The following CSMD1 variants were observed in gnomAD, a reference collection of about 807,000 sequenced individuals.
The protein encoded by CSMD1 is CUB and sushi domain-containing protein 1.
A neutral mutation model predicts 417.5 loss-of-function variants in CSMD1; 213 were observed. The observed-to-expected ratio is 0.51, with a 90% confidence interval of 0.46 to 0.57. CSMD1 has a LOEUF of 0.57. CSMD1 is among the 20% of genes least tolerant of loss of function. The probability of loss-of-function intolerance (pLI) is 0.00; values close to 1 mark genes in which losing one functional copy is unlikely to be tolerated. For synonymous variants in CSMD1, 2,862 were observed against 1,736.8 expected, an observed-to-expected ratio of 1.65 and a Z score of -16.11; for missense variants, 6,923 against 4,529.7, an observed-to-expected ratio of 1.53 and a Z score of -15.17.
intron 12 of CSMD1, among the ~76,000 whole-genome samples, chr8:3,431,037 C>T (rs1413679145): frequency 6.6e-6 from 1 of 152,072 alleles, no homozygotes; most frequent in East Asian, 1.9e-4. Flanking sequence ...GATCAGGAAC[C>T]CTGCTAGTAA....
At chr8:4,732,672 C>G (rs1335479372) in intron 1 of CSMD1, among the ~76,000 whole-genome samples, 1 of 152,050 alleles carries the variant, frequency 6.6e-6, no homozygotes, top group South Asian at 2.1e-4. Flanking sequence ...ACACATCTGC[C>G]CCAGCTGTAT....
intron 10 of CSMD1, among the ~76,000 whole-genome samples, chr8:3,508,857 G>T (rs1257018137): frequency 6.6e-6 from 1 of 152,146 alleles, no homozygotes; most frequent in South Asian, 2.1e-4. Context: ...ACTGGGAAAC[G>T]GTGACAAAAG....
intron 12 of CSMD1, among the ~76,000 whole-genome samples, chr8:3,423,579 C>G (rs1461542087): frequency 2.6e-5 from 4 of 152,120 alleles, no homozygotes; most frequent in African/African-American, 9.7e-5. Context: ...TTATCACCAG[C>G]TGACTCAATG....
chr8:3,803,841 T>C (rs1372204225), intron 5 of CSMD1, among the ~76,000 whole-genome samples: 1 of 152,156 alleles, frequency 6.6e-6, no homozygotes, highest in Non-Finnish European at 1.5e-5. Context: ...TTAATAAACA[T>C]GGCAAAGAGG....
chr8:2,977,148 T>A (rs1338222061), intron 55 of CSMD1, among the ~76,000 whole-genome samples: 3 of 152,190 alleles, frequency 2.0e-5, no homozygotes, highest in African/African-American at 4.8e-5. Context: ...GTGCAGGGTG[T>A]GTAGGTTTGT....
At chr8:3,787,947 C>G (rs564221557) in intron 5 of CSMD1, among the ~76,000 whole-genome samples, 2 of 152,112 alleles carry the variant, frequency 1.3e-5, no homozygotes, top group African/African-American at 2.4e-5. Context: ...GGGCAGAAAT[C>G]CTTGCATGGG....
chr8:4,712,065 G>C (rs889608268), intron 1 of CSMD1, among the ~76,000 whole-genome samples: 1 of 152,152 alleles, frequency 6.6e-6, no homozygotes, highest in African/African-American at 2.4e-5. Flanking sequence ...TAAAATGCAT[G>C]TTCACTGCCA....
intron 11 of CSMD1, among the ~76,000 whole-genome samples, chr8:3,484,242 T>C (rs757785980): frequency 6.6e-6 from 1 of 152,196 alleles, no homozygotes; most frequent in Non-Finnish European, 1.5e-5. Flanking sequence ...TAGACACACA[T>C]CAGTGTAACA....
At chr8:3,320,065 C>T (rs1049137916) in intron 23 of CSMD1, among the ~76,000 whole-genome samples, 2 of 152,154 alleles carry the variant, frequency 1.3e-5, no homozygotes, top group Non-Finnish European at 2.9e-5. Flanking sequence ...TGAACTCCAG[C>T]ATAGAGGGGC....
intron 3 of CSMD1, among the ~76,000 whole-genome samples, chr8:4,180,347 T>C (rs1226789998): frequency 1.3e-5 from 2 of 148,302 alleles, no homozygotes; most frequent in African/African-American, 2.5e-5. Context: ...AAACAATGCA[T>C]GTTCTCACTC....
chr8:4,138,633 C>A (rs200571040), intron 3 of CSMD1, among the ~76,000 whole-genome samples: 44,928 of 151,796 alleles, frequency 0.3, 8,066 homozygotes, highest in Non-Finnish European at 0.39. Flanking sequence ...AAGGAAAAAA[C>A]ATCTCTTAAG....
At chr8:4,339,149 G>T (rs1389075744) in intron 3 of CSMD1, among the ~76,000 whole-genome samples, 1 of 152,082 alleles carries the variant, frequency 6.6e-6, no homozygotes, top group Non-Finnish European at 1.5e-5. Context: ...AATGCTATCA[G>T]CTATGAAAAT....
intron 5 of CSMD1, among the ~76,000 whole-genome samples, chr8:3,815,938 G>C (rs1205659143): frequency 6.6e-6 from 1 of 152,064 alleles, no homozygotes; most frequent in African/African-American, 2.4e-5. Context: ...ATAATTCACT[G>C]GACTAGAAAT....
intron 3 of CSMD1, among the ~76,000 whole-genome samples, chr8:4,362,603 A>G (rs978975114): frequency 6.6e-6 from 1 of 152,198 alleles, no homozygotes; most frequent in African/African-American, 2.4e-5. Context: ...CTGCTCAATA[A>G]ACATTCTTTT....
At chr8:4,444,513 T>C (rs962086817) in intron 2 of CSMD1, among the ~76,000 whole-genome samples, 1 of 151,800 alleles carries the variant, frequency 6.6e-6, no homozygotes, top group African/African-American at 2.4e-5. Context: ...GACAGACAAG[T>C]TTTTTTAGCC....
At chr8:3,823,877 C>T (rs1399469834) in intron 5 of CSMD1, among the ~76,000 whole-genome samples, 1 of 151,924 alleles carries the variant, frequency 6.6e-6, no homozygotes, top group Non-Finnish European at 1.5e-5. Flanking sequence ...CTTTTCTGAT[C>T]CTCAGTTTCA....
At chr8:3,975,913 G>C (rs1473772090) in intron 5 of CSMD1, among the ~76,000 whole-genome samples, 2 of 151,872 alleles carry the variant, frequency 1.3e-5, no homozygotes, top group Non-Finnish European at 2.9e-5. Flanking sequence ...GAATGTATTA[G>C]TTTCATAAAA....
intron 49 of CSMD1, among the ~76,000 whole-genome samples, chr8:3,053,354 C>T (rs1402274221): frequency 4.6e-5 from 7 of 152,268 alleles, no homozygotes; most frequent in Non-Finnish European, 1.5e-5. Flanking sequence ...TTTATCATCA[C>T]AATGCTTATT....
At chr8:4,739,334 T>C (rs1810450901) in intron 1 of CSMD1, among the ~76,000 whole-genome samples, 2 of 152,230 alleles carry the variant, frequency 1.3e-5, no homozygotes, top group South Asian at 4.1e-4. Flanking sequence ...AGATATTTTA[T>C]GGAGGAATTT....
Sources: gnomAD v4.1 joint callset for allele counts (sites outside exome capture counted in the v4.1 genomes callset) on GRCh38, gnomAD v4.1.1 for gene constraint, MANE v1.5 for transcripts, NCBI Gene and HGNC (gene_info 2026-07-23, HGNC 2026-07-21) for gene names.